The following AK7 variants were observed in gnomAD, a reference collection of about 807,000 sequenced individuals.
The protein encoded by AK7 is adenylate kinase 7, also known as ATP-AMP transphosphorylase 7.
Under a neutral mutation model 96.6 loss-of-function variants are expected in AK7, and 78 were observed. The ratio of observed to expected loss-of-function variants is 0.81; its 90% CI spans 0.67 to 0.97. The LOEUF (loss-of-function observed/expected upper bound fraction) is 0.97, where lower values mean the gene tolerates loss of function less well. Among genes scored for constraint, AK7 ranks in the 50% least tolerant of loss-of-function variants. The pLI, the probability that AK7 is intolerant of heterozygous loss-of-function variation, is 0.00. For missense variants in AK7, 855 were observed against 887.9 expected (o/e 0.96, Z 0.47); for synonymous variants, 302 against 317.2 (o/e 0.95, Z 0.51).
chr14:96,483,117 G>A lies in AK7; in HGVS notation c.1872G>A (p.Lys624=). The A allele has an allele frequency of 6.2e-7, 1 of 1,614,194 alleles. No homozygotes were observed. The highest frequency in any genetic ancestry group is 8.5e-7 in the Non-Finnish European group (1 of 1,180,050). The change falls in exon 16 of 18, where the codon AAG becomes AAA. Residue 624 remains lysine (K), a synonymous_variant. Coordinates refer to ENST00000267584, the MANE Select transcript of AK7 (RefSeq NM_152327.5). Reference sequence around the variant, plus strand: ...AAGAAAAGGCAGAAGAGGAGCGGAAGGCTGCGGAGGAGCGGCTGGCCAGGG... The same window carrying A: ...AAGAAAAGGCAGAAGAGGAGCGGAAAGCTGCGGAGGAGCGGCTGGCCAGGG... The part of the protein sequence containing the change: ...TDEEKAEEER[K]AAEERLAREA...
At chr14:96,401,643 G>A (rs1307160118) in intron 2 of AK7, among the ~76,000 whole-genome samples, 1 of 152,166 alleles carries the variant, frequency 6.6e-6, no homozygotes, top group African/African-American at 2.4e-5. Flanking sequence ...CGGCACATAT[G>A]CTCAAATTGG....
chr14:96,458,322 G>A (rs1017608946), intron 12 of AK7, 110 bp downstream of exon 12: 12 of 1,403,822 alleles, frequency 8.5e-6, no homozygotes, highest in South Asian at 1.5e-5. Flanking sequence ...ACAGGCGGGC[G>A]CCATGGCTCA....
intron 12 of AK7, among the ~76,000 whole-genome samples, chr14:96,458,756 A>AG (rs1191386282): frequency 1.3e-5 from 2 of 151,112 alleles, no homozygotes; most frequent in Admixed American, 6.6e-5. Context: ...AAAAAAAAAA[A>AG]AAAAATTAGC....
At chr14:96,472,807 C>A in intron 14 of AK7, 52 bp downstream of exon 14, 2 of 1,494,168 alleles carry the variant, frequency 1.3e-6, no homozygotes, top group South Asian at 1.1e-5. Context: ...CTGGGCTGGG[C>A]GTGGTGGCTC....
chr14:96,458,986 T>C (rs894682877), intron 12 of AK7, among the ~76,000 whole-genome samples: 37 of 146,844 alleles, frequency 2.5e-4, no homozygotes, highest in Non-Finnish European at 4.6e-4. Flanking sequence ...CATAATCTCA[T>C]TGTTAACATT....
intron 2 of AK7, among the ~76,000 whole-genome samples, chr14:96,403,145 A>AATAAATAAATAAATAC (rs1555376003): frequency 6.6e-6 from 1 of 151,654 alleles, no homozygotes; most frequent in Admixed American, 6.6e-5. Context: ...TAAATAAATA[A>AATAAATAAATAAATAC]ATAAATAAAT....
rs1279957070 is a variant in AK7 at position 96,487,021 on chromosome 14, T to G, written c.2098T>G (p.Cys700Gly). 1 of 1,614,140 alleles carries G rather than the reference T, an allele frequency of 6.2e-7. No individual in the cohort carries two copies. Among genetic ancestry groups the G allele is most frequent in the Non-Finnish European group, 8.5e-7 (1 of 1,180,030 alleles). Residue 700 changes from cysteine (C) to glycine (G), a missense_variant, in exon 17 of 18, where the codon TGC becomes GGC. By Grantham distance (159) the Cys-to-Gly change is radical. Coordinates refer to ENST00000267584, the MANE Select transcript of AK7 (RefSeq NM_152327.5). ...TCTTATTCAGGGCCTGAATGAATGTTGCAACGTCCGACCCGAAGACCCTGT... is the reference window on the plus strand; with the variant it reads ...TCTTATTCAGGGCCTGAATGAATGTGGCAACGTCCGACCCGAAGACCCTGT... ...PTLIQGLNECCNVRPEDPVDF... is the reference protein window; with the variant it reads ...PTLIQGLNECGNVRPEDPVDF...
intron 10 of AK7, 95 bp from the exon 11 acceptor site, chr14:96,456,238 CAAAAAAAAAAAAAA>C (rs56356389): frequency 2.7e-6 from 1 of 365,076 alleles, no homozygotes; most frequent in African/African-American, 4.2e-5. Flanking sequence ...GACTCTGTCT[CAAAAAAAAAAAAAA>C]AAAAAAAAAG....
intron 2 of AK7, among the ~76,000 whole-genome samples, chr14:96,404,273 G>T (rs74842808): frequency 6.6e-6 from 1 of 151,350 alleles, no homozygotes; most frequent in African/African-American, 2.4e-5. Context: ...AAATATTCCC[G>T]GCTGTCAACT....
intron 17 of AK7, among the ~76,000 whole-genome samples, chr14:96,487,362 C>T (rs1474805193): frequency 1.4e-4 from 15 of 110,016 alleles, no homozygotes; most frequent in Middle Eastern, 0.01. Context: ...CTAGCCTGGA[C>T]GACAGAGTGA....
chr14:96,399,772 C>T lies in AK7; in HGVS notation c.294+1509C>T, dbSNP rs1222317045. ...TAAGCGCCCAAGTCCTCCTTCCCAGCTTCTTTCTCTGGCTCCTTTTCCTCT... is the reference window on the plus strand; with the variant it reads ...TAAGCGCCCAAGTCCTCCTTCCCAGTTTCTTTCTCTGGCTCCTTTTCCTCT... On this transcript the variant is annotated intron_variant, in intron 2 of 17. Transcript: ENST00000267584. The surrounding 1 kb of genome is among the most constrained non-coding windows in gnomAD (Gnocchi z 4.1). Among the ~76,000 whole-genome samples, 1 of 152,224 alleles carries T rather than the reference C, an allele frequency of 6.6e-6. No individual in the cohort carries two copies. Among genetic ancestry groups the T allele is most frequent in the Non-Finnish European group, 1.5e-5 (1 of 68,036 alleles).
intron 5 of AK7, among the ~76,000 whole-genome samples, chr14:96,429,999 G>A (rs1358683260): frequency 1.3e-5 from 2 of 152,044 alleles, no homozygotes; most frequent in Non-Finnish European, 2.9e-5. Flanking sequence ...CCAACACTAC[G>A]TCAAATAGGA....
In AK7 at chr14:96,470,303, G is replaced by A. The variant is rs894945303; in HGVS notation, c.1358-1175G>A. Among the ~76,000 whole-genome samples the A allele has an allele frequency of 7.2e-5, 11 of 152,076 alleles. No individual in the cohort carries two copies. The South Asian group carries it at 1.9e-3, about 26-fold the overall frequency. On this transcript the variant is annotated intron_variant, in intron 12 of 17. Coordinates refer to ENST00000267584, the MANE Select transcript of AK7 (RefSeq NM_152327.5). ...AGGGGGAGTCACTGATAAGGTAAAA[G>A]AATAATAGATTCACTGATAAGGTAA...
Position 96,468,073 on chromosome 14 carries a change from C to CAA in AK7, c.1358-3383_1358-3382dup, listed in dbSNP as rs35563628. On this transcript the variant is annotated intron_variant, in intron 12 of 17. Coordinates refer to ENST00000267584, the MANE Select transcript of AK7 (RefSeq NM_152327.5). ...GTGGCATAGCAAGACCCCGTCTCTA[C>CAA]AAAAAAAAAAAAAAAAAAAAAAATT... 6.9e-3 allele frequency among the ~76,000 whole-genome samples: 549 copies of CAA among 78,994 alleles called. 2 individuals carry two copies. Among genetic ancestry groups the CAA allele is most frequent in the South Asian group, 0.016 (36 of 2,304 alleles). 51.8% of individuals were successfully genotyped at this position (78,994 alleles called of 152,430 possible). A position where few individuals can be genotyped will look rare whatever the true frequency, so the allele number is the denominator to read the frequency against.
intron 6 of AK7, among the ~76,000 whole-genome samples, chr14:96,439,635 G>T (rs1182988925): frequency 2.1e-5 from 3 of 142,942 alleles, no homozygotes; most frequent in Non-Finnish European, 3.0e-5. Flanking sequence ...CTGCACTCCA[G>T]CCTGGGTGAC....
At chr14:96,447,051 C>G (rs570991314) in intron 8 of AK7, among the ~76,000 whole-genome samples, 1 of 152,342 alleles carries the variant, frequency 6.6e-6, no homozygotes, top group Admixed American at 6.5e-5. Context: ...AAAACCCAAA[C>G]TCACTATCTG....
intron 5 of AK7, among the ~76,000 whole-genome samples, chr14:96,423,305 A>C (rs763378292): frequency 1.3e-5 from 2 of 152,234 alleles, no homozygotes; most frequent in African/African-American, 2.4e-5. Flanking sequence ...ACAAAGGCAG[A>C]GGCAACCAAT....
At chr14:96,448,987 A>T (rs1893415578) in intron 8 of AK7, among the ~76,000 whole-genome samples, 1 of 151,962 alleles carries the variant, frequency 6.6e-6, no homozygotes, top group African/African-American at 2.4e-5. Context: ...TTGTGGGGAA[A>T]AAAAAAAGGC....
chr14:96,408,658 G>A (rs1466513176), intron 3 of AK7, among the ~76,000 whole-genome samples, 189 bp from the exon 4 acceptor site: 4 of 152,214 alleles, frequency 2.6e-5, no homozygotes, highest in Non-Finnish European at 4.4e-5. Flanking sequence ...GCTGGGATCC[G>A]TATTTCGGAT....
Sources: allele counts gnomAD v4.1 joint callset (sites outside exome capture counted in the v4.1 genomes callset), GRCh38; gene constraint gnomAD v4.1.1; non-coding constraint Gnocchi (gnomAD v3.1); transcripts MANE v1.5; gene names NCBI Gene and HGNC (gene_info 2026-07-23, HGNC 2026-07-21).